Variants in ZBBX observed in about 807,000 individuals in gnomAD.
The protein encoded by ZBBX is zinc finger B-box domain containing, also known as zinc finger B-box domain-containing protein 1.
A neutral mutation model predicts 108.5 loss-of-function variants in ZBBX; 101 were observed. The observed-to-expected ratio is 0.93, with a 90% CI of 0.79 to 1.10. The LOEUF (loss-of-function observed/expected upper bound fraction) is 1.10. Ranked by LOEUF, ZBBX falls within the 50% of genes least tolerant of loss-of-function variation. The pLI, the probability that ZBBX is intolerant of heterozygous loss-of-function variation, is 0.00. For missense variants in ZBBX, 1,009 were observed against 941.4 expected, an observed-to-expected ratio of 1.07 and a Z score of -0.94; for synonymous variants, 356 against 323.4, an observed-to-expected ratio of 1.10 and a Z score of -1.08.
intron 20 of ZBBX, among the ~76,000 whole-genome samples, chr3:167,255,200 C>T (rs568993298): frequency 6.6e-6 from 1 of 151,770 alleles, no homozygotes; most frequent in Non-Finnish European, 1.5e-5. Flanking sequence ...TGATAAAGGG[C>T]TAACTAGCAC....
intron 11 of ZBBX, 26 bp downstream of exon 11, chr3:167,327,913 CAAA>C (rs10645171): frequency 5.5e-3 from 6,334 of 1,148,868 alleles, no homozygotes; most frequent in Admixed American, 0.01. Flanking sequence ...GACTCTGTCT[CAAA>C]AAAAAAAAAA....
the ZBBX span, among the ~76,000 whole-genome samples, chr3:167,196,304 T>A: frequency 6.6e-6 from 1 of 152,188 alleles, no homozygotes; most frequent in Non-Finnish European, 1.5e-5. Flanking sequence ...AACATCACAC[T>A]GGTTGTGAAA....
At chr3:167,232,993 T>C in the ZBBX span, among the ~76,000 whole-genome samples, 1 of 151,724 alleles carries the variant, frequency 6.6e-6, no homozygotes, top group Non-Finnish European at 1.5e-5. Flanking sequence ...TAATAATCTT[T>C]TTCCTTAATG....
intron 12 of ZBBX, among the ~76,000 whole-genome samples, chr3:167,320,082 C>T (rs535389800): frequency 6.6e-6 from 1 of 151,464 alleles, no homozygotes; most frequent in Admixed American, 6.6e-5. Flanking sequence ...AATTGTGGCA[C>T]CAGAATAGTA....
chr3:167,298,365 T>A lies in ZBBX; in HGVS notation c.1819A>T (p.Asn607Tyr). The A allele has an allele frequency of 6.2e-7, 1 of 1,601,970 alleles. No homozygotes were observed. Among genetic ancestry groups the A allele is most frequent in the East Asian group, 2.3e-5 (1 of 44,392 alleles). ...TCTAAACGATGAGAAGGAAGTAAGT[T>A]GAGTCTTTCATTTGTATCAAAAATA... ...FFIFDTNERL[N>Y]LLPSHRLECN... The change falls in exon 18 of 22, where the codon AAC becomes TAC. Residue 607 changes from asparagine to tyrosine, a missense_variant. By Grantham distance (143) the Asn-to-Tyr change is moderately radical. Coordinates refer to ENST00000675490, the MANE Select transcript of ZBBX (RefSeq NM_001199201.2).
chr3:167,180,359 G>T, the ZBBX span, among the ~76,000 whole-genome samples: 131 of 152,294 alleles, frequency 8.6e-4, no homozygotes, highest in Non-Finnish European at 1.5e-3. Context: ...AGTAATTTTT[G>T]AAAGTCATTT....
At chr3:167,339,871 C>A (rs1740237493) in intron 9 of ZBBX, among the ~76,000 whole-genome samples, 2 of 152,094 alleles carry the variant, frequency 1.3e-5, no homozygotes, top group African/African-American at 4.8e-5. Flanking sequence ...TCCCTGTGTC[C>A]ATGTGTTCTC....
chr3:167,227,109 C>A, the ZBBX span, among the ~76,000 whole-genome samples: 1 of 151,704 alleles, frequency 6.6e-6, no homozygotes, highest in Non-Finnish European at 1.5e-5. Flanking sequence ...TAACTACAAT[C>A]TATAAATACT....
intron 18 of ZBBX, among the ~76,000 whole-genome samples, chr3:167,293,448 T>C (rs115365703): frequency 0.014 from 2,127 of 152,250 alleles, 26 homozygotes; most frequent in South Asian, 0.026. Context: ...AAAAAACATA[T>C]GATTATCTTA....
At chr3:167,329,813 G>A (rs1402215369) in intron 10 of ZBBX, among the ~76,000 whole-genome samples, 1 of 152,164 alleles carries the variant, frequency 6.6e-6, no homozygotes, top group African/African-American at 2.4e-5. Flanking sequence ...AAACCCATTG[G>A]ACATGTAAAA....
intron 16 of ZBBX, among the ~76,000 whole-genome samples, chr3:167,306,712 C>T (rs11922151): frequency 0.073 from 11,184 of 152,228 alleles, 468 homozygotes; most frequent in Non-Finnish European, 0.097. Flanking sequence ...TAGTGAAACA[C>T]TGGTCTAGAT....
intron 1 of ZBBX, among the ~76,000 whole-genome samples, chr3:167,389,547 C>G (rs1248259911): frequency 2.0e-5 from 3 of 151,976 alleles, no homozygotes; most frequent in African/African-American, 4.8e-5. Flanking sequence ...CCTTGAGGAG[C>G]TGCCACACTG....
At chr3:167,305,147 A>G (rs1156834827) in intron 17 of ZBBX, among the ~76,000 whole-genome samples, 1 of 152,098 alleles carries the variant, frequency 6.6e-6, no homozygotes, top group Non-Finnish European at 1.5e-5. Flanking sequence ...TACCTTTCCT[A>G]TGAGAAGAAA....
intron 20 of ZBBX, among the ~76,000 whole-genome samples, chr3:167,247,675 T>C (rs1472214293): frequency 6.6e-6 from 1 of 152,086 alleles, no homozygotes; most frequent in South Asian, 2.1e-4. Flanking sequence ...TAAGTGTCTA[T>C]CTGTATGATC....
rs138075859 is a variant in ZBBX at position 167,320,002 on chromosome 3, T to TTG, written c.983+2113_983+2114dup. ...AAAATTTATATGTGTGTATGTGGAT[T>TTG]TGTGTGTGTGTGTGTGCACGCACGT... On this transcript the variant is annotated intron_variant, in intron 12 of 21. Coordinates refer to ENST00000675490, the MANE Select transcript of ZBBX (RefSeq NM_001199201.2). 1.5e-3 allele frequency among the ~76,000 whole-genome samples: 222 copies of TTG among 150,332 alleles called. 2 individuals are homozygous for TTG. The highest frequency in any genetic ancestry group is 5.0e-3 in the African/African-American group (206 of 41,198).
chr3:167,402,550 C>T (rs954370067), intron 1 of ZBBX, among the ~76,000 whole-genome samples: 1 of 152,000 alleles, frequency 6.6e-6, no homozygotes, highest in Non-Finnish European at 1.5e-5. Context: ...TATGCAATAA[C>T]AAATTACGAG....
chr3:167,221,781 G>A, the ZBBX span, among the ~76,000 whole-genome samples: 1 of 151,856 alleles, frequency 6.6e-6, no homozygotes, highest in Non-Finnish European at 1.5e-5. Context: ...TTCAAAAGAA[G>A]ACATACATAT....
At chr3:167,200,311 A>G in the ZBBX span, among the ~76,000 whole-genome samples, 5 of 152,326 alleles carry the variant, frequency 3.3e-5, no homozygotes, top group South Asian at 1.0e-3. Context: ...CCCAAATGTT[A>G]CATGAGACAT....
chr3:167,398,397 T>A (rs1043413878), intron 1 of ZBBX, among the ~76,000 whole-genome samples: 1 of 152,058 alleles, frequency 6.6e-6, no homozygotes, highest in Non-Finnish European at 1.5e-5. Context: ...AATAACATTG[T>A]CAATAATATG....
Sources: allele counts gnomAD v4.1 joint callset (sites outside exome capture counted in the v4.1 genomes callset), GRCh38; gene constraint gnomAD v4.1.1; transcripts MANE v1.5; gene names NCBI Gene and HGNC (gene_info 2026-07-23, HGNC 2026-07-21).